Variants in CTNNA2 observed in about 807,000 individuals in gnomAD.
CTNNA2 encodes the protein catenin alpha-2.
In CTNNA2, 42 loss-of-function variants were observed where a neutral mutation model predicts 101.0. The ratio of observed to expected loss-of-function variants is 0.42; its 90% CI spans 0.32 to 0.54. The LOEUF (loss-of-function observed/expected upper bound fraction) is 0.54, where lower values mean the gene tolerates loss of function less well. Among genes scored for constraint, CTNNA2 ranks in the 20% least tolerant of loss-of-function variants. The pLI is 0.14. For missense variants in CTNNA2, 871 were observed against 1,223.1 expected (o/e 0.71, Z 4.29); for synonymous variants, 450 against 456.4 (o/e 0.99, Z 0.18).
intron 7 of CTNNA2, among the ~76,000 whole-genome samples, chr2:80,086,407 C>A (rs1294281168): frequency 6.6e-6 from 1 of 151,966 alleles, no homozygotes; most frequent in African/African-American, 2.4e-5. Flanking sequence ...AGATAACAAG[C>A]AAACTAATGA....
chr2:79,268,557 C>T (rs1675018298), intron 2 of CTNNA2, among the ~76,000 whole-genome samples: 1 of 152,096 alleles, frequency 6.6e-6, no homozygotes, highest in African/African-American at 2.4e-5. Flanking sequence ...CAATTTATAG[C>T]CGGTTAGAGG....
At chr2:80,565,784 G>T (rs1345387781) in intron 12 of CTNNA2, among the ~76,000 whole-genome samples, 3 of 152,028 alleles carry the variant, frequency 2.0e-5, no homozygotes, top group Non-Finnish European at 4.4e-5. Flanking sequence ...CCGATTCCCG[G>T]TGCCTAGAGT....
At chr2:79,818,848 T>TATATATATATATATA (rs70940046) in intron 3 of CTNNA2, among the ~76,000 whole-genome samples, 3 of 135,402 alleles carry the variant, frequency 2.2e-5, no homozygotes, top group African/African-American at 5.6e-5. Context: ...TATATATATA[T>TATATATATATATATA]GGATGTATGT....
At position 79,488,917 on chromosome 2, in the gene CTNNA2, A is replaced by T. The variant is rs79290273; in HGVS notation, c.-134-16137A>T. 9.9e-5 allele frequency among the ~76,000 whole-genome samples: 15 copies of T among 152,282 alleles called. No individual in the cohort carries two copies. In the East Asian group the frequency reaches 2.9e-3, roughly 29 times the overall value. ...ATCACTACCATTCTATTGAAATTGC[A>T]TGTCCAAAGTTGTCCACAATATTTT... is the stretch of plus-strand genomic sequence containing the variant. On this transcript the variant is annotated intron_variant, in intron 4 of 21. Transcript: ENST00000466387.
At chr2:80,329,524 T>A (rs922646445) in intron 7 of CTNNA2, among the ~76,000 whole-genome samples, 3 of 152,238 alleles carry the variant, frequency 2.0e-5, no homozygotes, top group Non-Finnish European at 2.9e-5. Flanking sequence ...AAGGAAGTCA[T>A]CCTGTGGTCA....
At chr2:80,371,307 A>G (rs1246291773) in intron 7 of CTNNA2, among the ~76,000 whole-genome samples, 1 of 152,236 alleles carries the variant, frequency 6.6e-6, no homozygotes, top group African/African-American at 2.4e-5. Flanking sequence ...AATGTGGCCA[A>G]TTCTGATTTT....
intron 7 of CTNNA2, among the ~76,000 whole-genome samples, chr2:80,179,565 G>C (rs1705629921): frequency 6.6e-6 from 1 of 151,940 alleles, no homozygotes; most frequent in Admixed American, 6.6e-5. Flanking sequence ...AGTAGAGAAG[G>C]GATTTCACCG....
chr2:79,447,662 A>G (rs1678848817), intron 4 of CTNNA2, among the ~76,000 whole-genome samples: 1 of 151,996 alleles, frequency 6.6e-6, no homozygotes. Context: ...TTTCAAATAC[A>G]GTCACCAGCT....
At chr2:79,746,466 C>T (rs141501439) in intron 3 of CTNNA2, among the ~76,000 whole-genome samples, 147 of 152,274 alleles carry the variant, frequency 9.7e-4, no homozygotes, top group African/African-American at 3.4e-3. Context: ...AGAACAGACA[C>T]CTACTCCCAA....
intron 7 of CTNNA2, among the ~76,000 whole-genome samples, chr2:80,025,216 G>A (rs937611533): frequency 5.3e-5 from 8 of 152,278 alleles, no homozygotes; most frequent in Non-Finnish European, 7.4e-5. Flanking sequence ...TTTTGGAAAT[G>A]GCAACATTTG....
At chr2:80,264,784 A>G (rs1163188959) in intron 7 of CTNNA2, among the ~76,000 whole-genome samples, 1 of 152,206 alleles carries the variant, frequency 6.6e-6, no homozygotes, top group Non-Finnish European at 1.5e-5. Context: ...ATACACAAAG[A>G]TAGCAATATT....
At chr2:79,691,421 A>G (rs1684290411) in intron 2 of CTNNA2, among the ~76,000 whole-genome samples, 1 of 151,974 alleles carries the variant, frequency 6.6e-6, no homozygotes, top group African/African-American at 2.4e-5. Flanking sequence ...AGTAAGATAT[A>G]TATTAGTAAT....
chr2:79,933,608 C>T (rs988702326), intron 7 of CTNNA2, among the ~76,000 whole-genome samples: 1 of 152,076 alleles, frequency 6.6e-6, no homozygotes, highest in Non-Finnish European at 1.5e-5. Flanking sequence ...GCACCTGCCA[C>T]CACACCTGAC....
intron 7 of CTNNA2, among the ~76,000 whole-genome samples, chr2:79,912,319 A>C (rs932866009): frequency 6.6e-6 from 1 of 152,340 alleles, no homozygotes; most frequent in South Asian, 2.1e-4. Flanking sequence ...GGTTGTGGAG[A>C]GAAGCTGTGT....
At chr2:79,950,670 G>A (rs76743271) in intron 7 of CTNNA2, among the ~76,000 whole-genome samples, 14,079 of 152,116 alleles carry the variant, frequency 0.093, 879 homozygotes, top group East Asian at 0.27. Flanking sequence ...AGAATTTGTG[G>A]TAACATATTG....
At chr2:80,105,272 T>G (rs1455062741) in intron 7 of CTNNA2, among the ~76,000 whole-genome samples, 1 of 152,206 alleles carries the variant, frequency 6.6e-6, no homozygotes, top group Non-Finnish European at 1.5e-5. Flanking sequence ...TGCCTCTCTG[T>G]GATACTATAT....
chr2:80,616,901 A>G (rs1212766695), intron 17 of CTNNA2, among the ~76,000 whole-genome samples: 1 of 151,764 alleles, frequency 6.6e-6, no homozygotes, highest in East Asian at 1.9e-4. Context: ...ACCACTCTGC[A>G]TCCTTTTGAT....
intron 7 of CTNNA2, among the ~76,000 whole-genome samples, chr2:79,943,549 C>T (rs1268411159): frequency 1.3e-5 from 2 of 152,164 alleles, no homozygotes; most frequent in Non-Finnish European, 2.9e-5. Context: ...GACTTCTTAT[C>T]CCCATTCCAG....
chr2:80,566,720 G>A (rs1172629740), intron 12 of CTNNA2, among the ~76,000 whole-genome samples: 1 of 152,156 alleles, frequency 6.6e-6, no homozygotes, highest in Non-Finnish European at 1.5e-5. Flanking sequence ...GGTGATTGGA[G>A]AAGTGGGTTG....
Sources: allele counts gnomAD v4.1 joint callset (sites outside exome capture counted in the v4.1 genomes callset), GRCh38; gene constraint gnomAD v4.1.1; transcripts MANE v1.5; gene names NCBI Gene and HGNC (gene_info 2026-07-23, HGNC 2026-07-21).